Variants in ATP10A observed in about 807,000 individuals in gnomAD.
ATP10A encodes phospholipid-transporting ATPase VA.
A neutral mutation model predicts 147.8 loss-of-function variants in ATP10A; 111 were observed. The observed-to-expected ratio is 0.75, with a 90% confidence interval of 0.64 to 0.88. The LOEUF is 0.88. Ranked by LOEUF, ATP10A falls within the 40% of genes least tolerant of loss-of-function variation. The pLI is 0.00. For synonymous variants in ATP10A, 875 were observed against 841.6 expected, an observed-to-expected ratio of 1.04 and a Z score of -0.69; for missense variants, 1,927 against 1,959.0, an observed-to-expected ratio of 0.98 and a Z score of 0.31.
At chr15:25,714,965 T>TACACACAC (rs10523875) in intron 9 of ATP10A, among the ~76,000 whole-genome samples, 111 of 145,710 alleles carry the variant, frequency 7.6e-4, no homozygotes, top group African/African-American at 2.6e-3. Flanking sequence ...ATGACACATA[T>TACACACAC]ACACACACAC....
At chr15:25,760,252 A>G (rs1232623044) in intron 2 of ATP10A, among the ~76,000 whole-genome samples, 3 of 152,242 alleles carry the variant, frequency 2.0e-5, no homozygotes, top group Non-Finnish European at 4.4e-5. Flanking sequence ...ATTTTAAATT[A>G]TATGGGAAGC....
downstream of ATP10A, among the ~76,000 whole-genome samples, chr15:25,673,976 G>A (rs1332088135): frequency 6.6e-6 from 1 of 152,222 alleles, no homozygotes; most frequent in African/African-American, 2.4e-5. Context: ...GGCTCCAGCT[G>A]TGCTGTGTTT....
intron 1 of ATP10A, among the ~76,000 whole-genome samples, chr15:25,852,879 C>G (rs1377426875): frequency 1.3e-5 from 2 of 152,202 alleles, no homozygotes; most frequent in Non-Finnish European, 2.9e-5. Flanking sequence ...CAATCATTCT[C>G]CCACAGTTCT....
chr15:25,676,903 G>C (rs1486071114), downstream of ATP10A, among the ~76,000 whole-genome samples: 1 of 152,104 alleles, frequency 6.6e-6, no homozygotes, highest in South Asian at 2.1e-4. Context: ...GCAAGCAATT[G>C]TCCTTTACCT....
At chr15:25,730,544 C>A (rs186374173) in intron 3 of ATP10A, among the ~76,000 whole-genome samples, 20 of 152,054 alleles carry the variant, frequency 1.3e-4, no homozygotes, top group Non-Finnish European at 2.5e-4. Flanking sequence ...GCTCTGTCCC[C>A]GATGCGTCCC....
chr15:25,746,619 TAAA>T (rs965139190), intron 2 of ATP10A, among the ~76,000 whole-genome samples: 8 of 152,178 alleles, frequency 5.3e-5, no homozygotes, highest in African/African-American at 1.9e-4. Flanking sequence ...TTCAAAAAAC[TAAA>T]TTCATATAGG....
At position 25,679,990 on chromosome 15, in the gene ATP10A, TA is replaced by T; in HGVS notation, c.3867-17del. 1 of 1,588,084 alleles carries T rather than the reference TA, an allele frequency of 6.3e-7. No homozygotes were observed. Among genetic ancestry groups the T allele is most frequent in the Non-Finnish European group, 8.6e-7 (1 of 1,162,504 alleles). On this transcript the variant is annotated splice_polypyrimidine_tract_variant and intron_variant, in intron 20 of 20. Transcript: ENST00000555815. ...GAAAAACAATCTAGAAAAAGTACAT[TA>T]AAACAAAAAGTTAGATATTCCTGTC...
In ATP10A at chr15:25,790,684, A is replaced by G. The variant is rs542566110; in HGVS notation, c.450-9461T>C. Among the ~76,000 whole-genome samples the G allele has an allele frequency of 5.9e-5, 9 of 152,358 alleles. No homozygotes were observed. The South Asian group carries it at 1.5e-3, about 25-fold the overall frequency. ...CAAAACGATGCCTAAACACAGTATC[A>G]CTTACAAACCTCTTAGTAAGTTTTA... is the stretch of plus-strand genomic sequence containing the variant. On this transcript the variant is annotated intron_variant, in intron 1 of 20. Coordinates refer to ENST00000555815, the MANE Select transcript of ATP10A (RefSeq NM_024490.4).
intron 1 of ATP10A, among the ~76,000 whole-genome samples, chr15:25,840,075 A>C (rs1218338714): frequency 6.6e-6 from 1 of 152,128 alleles, no homozygotes; most frequent in Non-Finnish European, 1.5e-5. Context: ...AACCCCTGGC[A>C]AACACTAACT....
intron 16 of ATP10A, among the ~76,000 whole-genome samples, chr15:25,686,258 A>AAAAC (rs1474052809): frequency 2.2e-5 from 1 of 46,214 alleles, no homozygotes; most frequent in Non-Finnish European, 3.3e-5. Flanking sequence ...AGCCTCCAGA[A>AAAAC]AAACAATTAA....
At chr15:25,801,255 C>T (rs1187152288) in intron 1 of ATP10A, among the ~76,000 whole-genome samples, 1 of 152,126 alleles carries the variant, frequency 6.6e-6, no homozygotes, top group Non-Finnish European at 1.5e-5. Flanking sequence ...TGCAGGTGTC[C>T]AGGGGCCCTT....
rs189311119 is a variant in ATP10A at position 25,687,914 on chromosome 15, C to T, written c.3166-86G>A. 6.5e-4 allele frequency: 1,027 copies of T among 1,583,732 alleles called. 2 individuals are homozygous for T. Among genetic ancestry groups the T allele is most frequent in the Non-Finnish European group, 7.9e-4 (907 of 1,153,590 alleles). On this transcript the variant is annotated intron_variant, in intron 15 of 20. Coordinates refer to ENST00000555815, the MANE Select transcript of ATP10A (RefSeq NM_024490.4). Reference sequence around the variant, plus strand: ...TCTTCTCAAAATGCAAGGTACACAACAGGGAAGGAAAATCCCCATTCTGAA... The same window carrying T: ...TCTTCTCAAAATGCAAGGTACACAATAGGGAAGGAAAATCCCCATTCTGAA...
chr15:25,691,963 A>C (rs747532535), intron 14 of ATP10A, among the ~76,000 whole-genome samples, 172 bp from the exon 15 acceptor site: 1 of 152,190 alleles, frequency 6.6e-6, no homozygotes, highest in African/African-American at 2.4e-5. Flanking sequence ...AGAGTTAAGC[A>C]TTCAGAATAA....
At chr15:25,756,449 C>T (rs1420865886) in intron 2 of ATP10A, among the ~76,000 whole-genome samples, 1 of 152,078 alleles carries the variant, frequency 6.6e-6, no homozygotes, top group Non-Finnish European at 1.5e-5. Flanking sequence ...TGAGATCATC[C>T]CGGCTAACAC....
At chr15:25,767,342 A>T (rs1305628394) in intron 2 of ATP10A, among the ~76,000 whole-genome samples, 3 of 152,158 alleles carry the variant, frequency 2.0e-5, no homozygotes, top group African/African-American at 7.2e-5. Flanking sequence ...CAGAGGATGG[A>T]TGGAGGCTGC....
chr15:25,672,526 G>C (rs997471778), downstream of ATP10A, among the ~76,000 whole-genome samples: 3 of 152,150 alleles, frequency 2.0e-5, no homozygotes, highest in Admixed American at 2.0e-4. Context: ...TGGATCAGAT[G>C]GTCATTCTGC....
chr15:25,694,161 C>T (rs577735872), intron 14 of ATP10A, among the ~76,000 whole-genome samples: 16 of 152,298 alleles, frequency 1.1e-4, no homozygotes, highest in East Asian at 3.9e-4. Flanking sequence ...TGGAAGGAGG[C>T]GAGTGGCCAC....
chr15:25,724,565 G>A (rs1413476797), intron 5 of ATP10A, among the ~76,000 whole-genome samples: 1 of 152,198 alleles, frequency 6.6e-6, no homozygotes, highest in Non-Finnish European at 1.5e-5. Context: ...CCGCTGGGCT[G>A]AGACCACATC....
chr15:25,710,346 G>C (rs1901331148), intron 10 of ATP10A: 1 of 152,446 alleles, frequency 6.6e-6, no homozygotes, highest in Non-Finnish European at 1.5e-5. Context: ...GCTGCATCTG[G>C]GTCGGGGCAG....
Sources: allele counts gnomAD v4.1 joint callset (sites outside exome capture counted in the v4.1 genomes callset), GRCh38; gene constraint gnomAD v4.1.1; transcripts MANE v1.5; gene names NCBI Gene and HGNC (gene_info 2026-07-23, HGNC 2026-07-21).